Variants in RNF212B observed in about 807,000 individuals in gnomAD.
The protein encoded by RNF212B is E3 ubiquitin-protein ligase RNF212B.
In RNF212B, 52 loss-of-function variants were observed where a neutral mutation model predicts 55.5. That is an observed-to-expected ratio of 0.94 (90% confidence interval 0.75 to 1.18). The LOEUF (loss-of-function observed/expected upper bound fraction) is 1.18. RNF212B is among the 50% of genes most tolerant of loss of function. The pLI, the probability that RNF212B is intolerant of heterozygous loss-of-function variation, is 0.00. For synonymous variants in RNF212B, 99 were observed against 121.4 expected, an observed-to-expected ratio of 0.82 and a Z score of 1.21; for missense variants, 289 against 350.4, an observed-to-expected ratio of 0.82 and a Z score of 1.40.
chr14:23,224,341 A>G (rs1388048356), intron 2 of RNF212B, among the ~76,000 whole-genome samples: 2 of 152,214 alleles, frequency 1.3e-5, no homozygotes, highest in Non-Finnish European at 2.9e-5. Context: ...ATATTATCTG[A>G]CTTCAAATTA....
chr14:23,206,482 A>G (rs1213636335), intron 2 of RNF212B, among the ~76,000 whole-genome samples: 3 of 152,226 alleles, frequency 2.0e-5, no homozygotes, highest in African/African-American at 7.2e-5. Flanking sequence ...TACACAACAC[A>G]TAAATATATA....
chr14:23,221,449 G>T (rs377553934), intron 2 of RNF212B, among the ~76,000 whole-genome samples: 5 of 152,282 alleles, frequency 3.3e-5, no homozygotes, highest in South Asian at 2.1e-4. Context: ...TGTAACAATT[G>T]TAAGTATATA....
intron 2 of RNF212B, among the ~76,000 whole-genome samples, chr14:23,203,767 C>G (rs1879562141): frequency 6.6e-6 from 1 of 152,088 alleles, no homozygotes; most frequent in African/African-American, 2.4e-5. Context: ...CATGAGCCAC[C>G]ATGGTAGGCC....
At position 23,272,982 on chromosome 14, in the gene RNF212B, C is replaced by T; in HGVS notation, c.*91C>T. On this transcript the variant is annotated 3_prime_UTR_variant, in exon 15 of 15. Transcript: ENST00000430154. ...GGGGTGATGGCCCTGGAAAATGTAT[C>T]CCTGCATTGTTTCCTAGTTTCACTC... 1.4e-6 allele frequency: 1 copy of T among 701,364 alleles called. No homozygotes were observed. Among genetic ancestry groups the T allele is most frequent in the Non-Finnish European group, 2.3e-6 (1 of 426,236 alleles). The allele number at this position is 701,364 out of a possible 1,614,324, so 43.4% of individuals were successfully genotyped here. A position where few individuals can be genotyped will look rare whatever the true frequency, so the allele number is the denominator to read the frequency against.
At chr14:23,264,719 A>G in intron 11 of RNF212B, 48 bp downstream of exon 11, 1 of 1,165,884 alleles carries the variant, frequency 8.6e-7, no homozygotes, top group Non-Finnish European at 1.1e-6. Flanking sequence ...CTCTATGCGA[A>G]GATCTGCGGA....
chr14:23,259,029 AT>A (rs1041463433), intron 5 of RNF212B, among the ~76,000 whole-genome samples: 1 of 151,520 alleles, frequency 6.6e-6, no homozygotes, highest in Non-Finnish European at 1.5e-5. Context: ...AAAAAAAAAA[AT>A]TTTAAACAAA....
intron 1 of RNF212B, among the ~76,000 whole-genome samples, chr14:23,187,042 A>T (rs1025558572): frequency 2.0e-5 from 3 of 151,860 alleles, no homozygotes; most frequent in African/African-American, 7.3e-5. Flanking sequence ...CCCCCCCAAC[A>T]TTTGTCACCC....
intron 2 of RNF212B, among the ~76,000 whole-genome samples, chr14:23,208,828 A>G (rs56044467): frequency 0.2 from 24,969 of 125,978 alleles, 3,072 homozygotes; most frequent in African/African-American, 0.38. Context: ...GCGCGATCTC[A>G]GGTCACTGCA....
At chr14:23,269,163 G>A (rs915338377) in intron 12 of RNF212B, among the ~76,000 whole-genome samples, 200 bp downstream of exon 12, 10 of 152,144 alleles carry the variant, frequency 6.6e-5, no homozygotes, top group African/African-American at 2.2e-4. Flanking sequence ...AATTAGCCGG[G>A]AGCGGTGTCA....
At chr14:23,237,124 C>G (rs915515380), upstream of RNF212B, among the ~76,000 whole-genome samples, 10 of 147,958 alleles carry the variant, frequency 6.8e-5, no homozygotes, top group East Asian at 1.4e-3. Context: ...GCCACCACAC[C>G]CGGCTAATTT....
At chr14:23,228,353 A>G (rs776740037) in intron 2 of RNF212B, among the ~76,000 whole-genome samples, 2 of 148,332 alleles carry the variant, frequency 1.3e-5, no homozygotes, top group Non-Finnish European at 3.0e-5. Context: ...GGCCAGGCGC[A>G]GTGGATCACA....
chr14:23,260,193 A>G (rs2144039), intron 6 of RNF212B, among the ~76,000 whole-genome samples: 60,571 of 151,950 alleles, frequency 0.4, 12,166 homozygotes, highest in East Asian at 0.42. Flanking sequence ...TACCAGTTGG[A>G]AAGCTCTCTT....
At chr14:23,226,767 C>A (rs1419873500) in intron 2 of RNF212B, among the ~76,000 whole-genome samples, 7 of 150,698 alleles carry the variant, frequency 4.6e-5, no homozygotes, top group Non-Finnish European at 1.0e-4. Context: ...CCTCCCGTCT[C>A]CTCTCCTCTC....
intron 2 of RNF212B, among the ~76,000 whole-genome samples, chr14:23,218,922 T>TA (rs1236959568): frequency 1.3e-5 from 2 of 151,308 alleles, no homozygotes; most frequent in East Asian, 1.9e-4. Flanking sequence ...GGTCAAGGAT[T>TA]AAAAAAAAGG....
intron 4 of RNF212B, among the ~76,000 whole-genome samples, chr14:23,257,964 A>T (rs538450148): frequency 2.0e-5 from 3 of 152,218 alleles, no homozygotes; most frequent in Middle Eastern, 3.4e-3. Flanking sequence ...AAACAGTTTT[A>T]AAAAAAATCT....
intron 2 of RNF212B, among the ~76,000 whole-genome samples, chr14:23,205,559 C>G (rs1179244929): frequency 6.6e-6 from 1 of 152,116 alleles, no homozygotes; most frequent in Non-Finnish European, 1.5e-5. Flanking sequence ...ATAACTGAGA[C>G]AGTGGAAAAA....
At chr14:23,272,146 G>C (rs1039680154) in intron 14 of RNF212B, among the ~76,000 whole-genome samples, 3 of 152,120 alleles carry the variant, frequency 2.0e-5, no homozygotes, top group Non-Finnish European at 2.9e-5. Context: ...GGCCAGGCGT[G>C]GTGGCTCATG....
chr14:23,225,708 A>G (rs1250285814), intron 2 of RNF212B, among the ~76,000 whole-genome samples: 6 of 152,056 alleles, frequency 3.9e-5, no homozygotes, highest in Admixed American at 3.9e-4. Flanking sequence ...TGCATACCAA[A>G]AAAAATAGAA....
intron 2 of RNF212B, among the ~76,000 whole-genome samples, chr14:23,222,829 G>T (rs1463125080): frequency 1.3e-5 from 2 of 152,064 alleles, no homozygotes; most frequent in Non-Finnish European, 2.9e-5. Context: ...GAGGCGGGGG[G>T]ATCATCTGAG....
Sources: allele counts gnomAD v4.1 joint callset (sites outside exome capture counted in the v4.1 genomes callset), GRCh38; gene constraint gnomAD v4.1.1; transcripts MANE v1.5; gene names NCBI Gene and HGNC (gene_info 2026-07-23, HGNC 2026-07-21).